TENM2: variants seen among roughly 807,000 people sequenced by gnomAD.
TENM2 encodes the protein teneurin-2.
Under a neutral mutation model 245.2 loss-of-function variants are expected in TENM2, and 52 were observed. That is an observed-to-expected ratio of 0.21 (90% CI 0.17 to 0.27). The LOEUF is 0.27. Among genes scored for constraint, TENM2 ranks in the 10% least tolerant of loss-of-function variants. The pLI, the probability that TENM2 is intolerant of heterozygous loss-of-function variation, is 1.00. For synonymous variants in TENM2, 1,363 were observed against 1,438.9 expected, an observed-to-expected ratio of 0.95 and a Z score of 1.19; for missense variants, 3,046 against 3,666.8, an observed-to-expected ratio of 0.83 and a Z score of 4.37.
At chr5:167,984,441 A>G (rs539069409) in intron 4 of TENM2, among the ~76,000 whole-genome samples, 3 of 152,290 alleles carry the variant, frequency 2.0e-5, no homozygotes, top group African/African-American at 7.2e-5. Context: ...GTGGATCACG[A>G]GGTCAGGAGT....
At chr5:167,268,869 G>GATAC in the TENM2 span, among the ~76,000 whole-genome samples, 2 of 137,878 alleles carry the variant, frequency 1.5e-5, no homozygotes, top group East Asian at 4.3e-4. Context: ...CTTTCCAAAA[G>GATAC]ATACATAGAT....
chr5:167,196,838 A>G, the TENM2 span, among the ~76,000 whole-genome samples: 2 of 151,846 alleles, frequency 1.3e-5, no homozygotes, highest in Non-Finnish European at 2.9e-5. Context: ...ACATGCAAAT[A>G]CCATGCAATT....
chr5:167,030,914 C>A, the TENM2 span, among the ~76,000 whole-genome samples: 1 of 152,164 alleles, frequency 6.6e-6, no homozygotes. Context: ...AACGGAAAGG[C>A]CTTCATCCAG....
intron 1 of TENM2, among the ~76,000 whole-genome samples, chr5:167,344,487 A>G (rs1171532652): frequency 6.6e-6 from 1 of 151,986 alleles, no homozygotes; most frequent in Admixed American, 6.6e-5. Context: ...CAAATGTACT[A>G]AGGAGAAATT....
the TENM2 span, among the ~76,000 whole-genome samples, chr5:167,100,490 C>G: frequency 6.6e-6 from 1 of 152,158 alleles, no homozygotes; most frequent in Non-Finnish European, 1.5e-5. Context: ...GCCAGACCAC[C>G]TTCATTTTTC....
At chr5:167,188,842 T>TA in the TENM2 span, among the ~76,000 whole-genome samples, 2 of 152,142 alleles carry the variant, frequency 1.3e-5, no homozygotes, top group Non-Finnish European at 2.9e-5. Context: ...AATAAGATGA[T>TA]AAAAAATTAT....
At chr5:167,536,000 T>G (rs940084930) in intron 2 of TENM2, among the ~76,000 whole-genome samples, 4 of 152,126 alleles carry the variant, frequency 2.6e-5, no homozygotes, top group African/African-American at 7.2e-5. Flanking sequence ...CATGGTTGCA[T>G]CCAGTAAAAA....
chr5:167,215,633 G>A, the TENM2 span, among the ~76,000 whole-genome samples: 1 of 152,166 alleles, frequency 6.6e-6, no homozygotes, highest in Non-Finnish European at 1.5e-5. Context: ...AGCAATCATA[G>A]GGGATGTAGT....
At chr5:168,234,133 A>C (rs1382355657) in intron 25 of TENM2, among the ~76,000 whole-genome samples, 1 of 151,824 alleles carries the variant, frequency 6.6e-6, no homozygotes, top group Non-Finnish European at 1.5e-5. Flanking sequence ...CAGTAGACTA[A>C]TGTCCTCTTC....
intron 2 of TENM2, chr5:167,574,088 G>C (rs1561564986): frequency 6.6e-6 from 1 of 152,102 alleles, no homozygotes; most frequent in Non-Finnish European, 1.5e-5. Flanking sequence ...TCACCGTTTT[G>C]TAATTGAGAA....
At chr5:167,766,471 T>C (rs1038144135) in intron 2 of TENM2, among the ~76,000 whole-genome samples, 1 of 152,224 alleles carries the variant, frequency 6.6e-6, no homozygotes, top group African/African-American at 2.4e-5. Context: ...TCAATTTATG[T>C]CTTTACAAAG....
In TENM2 at chr5:167,649,524, C is replaced by A. The variant is rs544359706; in HGVS notation, c.503-226462C>A. 2.8e-4 allele frequency among the ~76,000 whole-genome samples: 42 copies of A among 152,024 alleles called. No homozygotes were observed. The East Asian group carries it at 6.8e-3, about 24-fold the overall frequency. The stretch of plus-strand genomic sequence containing the variant: ...TTTTCAGTGCTCAGAAAAAGAAAAA[C>A]ACACACACACACAGAAGTCTTTTGA... On this transcript the variant is annotated intron_variant, in intron 2 of 28. Transcript: ENST00000518659.
intron 2 of TENM2, among the ~76,000 whole-genome samples, chr5:167,768,921 G>T (rs1339171371): frequency 1.3e-5 from 2 of 152,176 alleles, no homozygotes; most frequent in Non-Finnish European, 2.9e-5. Context: ...ATTCTAGAGG[G>T]TGCGGCTCAT....
chr5:167,825,074 A>G (rs1767848173), intron 2 of TENM2, among the ~76,000 whole-genome samples: 1 of 152,170 alleles, frequency 6.6e-6, no homozygotes, highest in South Asian at 2.1e-4. Flanking sequence ...TCTGGTTGGG[A>G]GGGAGGCAAA....
At chr5:167,464,412 A>T (rs1431050998) in intron 2 of TENM2, among the ~76,000 whole-genome samples, 4 of 152,202 alleles carry the variant, frequency 2.6e-5, no homozygotes, top group African/African-American at 9.6e-5. Context: ...TGTACAGATG[A>T]GTAATAAAGA....
chr5:168,258,413 A>T lies in TENM2; in HGVS notation c.7433-1870A>T, dbSNP rs532419600. The stretch of plus-strand genomic sequence containing the variant: ...CTACTCGGGAGGCTGAGGCAAGGGA[A>T]TCACTTGAACCCAGGAGGCGGAGGT... On this transcript the variant is annotated intron_variant, in intron 27 of 28. Coordinates refer to ENST00000518659, the Ensembl canonical transcript of TENM2. Among the ~76,000 whole-genome samples the T allele has an allele frequency of 2.0e-5, 3 of 152,168 alleles. No individual in the cohort carries two copies. In the South Asian group the frequency reaches 6.2e-4, roughly 32 times the overall value.
chr5:167,453,347 G>T (rs752046037), intron 2 of TENM2, among the ~76,000 whole-genome samples: 4 of 152,042 alleles, frequency 2.6e-5, no homozygotes, highest in Admixed American at 2.6e-4. Flanking sequence ...CCACCAATCT[G>T]TCATCTCCTC....
chr5:167,630,706 C>A (rs1778810368), intron 2 of TENM2, among the ~76,000 whole-genome samples: 1 of 152,054 alleles, frequency 6.6e-6, no homozygotes, highest in East Asian at 1.9e-4. Context: ...ATGCAATAAC[C>A]ATTTATAATA....
At chr5:167,777,402 T>C (rs1039352264) in intron 2 of TENM2, among the ~76,000 whole-genome samples, 2 of 152,258 alleles carry the variant, frequency 1.3e-5, no homozygotes, top group African/African-American at 4.8e-5. Context: ...AATTAATTTA[T>C]TTTTTAATAA....
Sources: allele counts gnomAD v4.1 joint callset (sites outside exome capture counted in the v4.1 genomes callset), GRCh38; gene constraint gnomAD v4.1.1; transcripts MANE v1.5; gene names NCBI Gene and HGNC (gene_info 2026-07-23, HGNC 2026-07-21).